The following POLG variants were observed in gnomAD, a reference collection of about 807,000 sequenced individuals.
POLG encodes DNA polymerase gamma, catalytic subunit.
In POLG, 110 loss-of-function variants were observed where a neutral mutation model predicts 155.4. That is an observed-to-expected ratio of 0.71 (90% confidence interval 0.61 to 0.83). The LOEUF (loss-of-function observed/expected upper bound fraction) is 0.83, where lower values mean the gene tolerates loss of function less well. Among genes scored for constraint, POLG ranks in the 40% least tolerant of loss-of-function variants. The pLI is 0.00. For missense variants in POLG, 1,685 were observed against 1,627.5 expected, an observed-to-expected ratio of 1.04 and a Z score of -0.61; for synonymous variants, 701 against 631.5, an observed-to-expected ratio of 1.11 and a Z score of -1.65.
At chr15:89,318,152 C>T (rs1023822502) in intron 21 of POLG, 2 of 198,736 alleles carry the variant, frequency 1.0e-5, no homozygotes, top group Admixed American at 5.4e-5. Flanking sequence ...ACTTTTGGCA[C>T]TTACTTAAGA....
At chr15:89,325,155 T>TGAGTGAGTGA (rs2055478910) in intron 10 of POLG, among the ~76,000 whole-genome samples, 3 of 43,936 alleles carry the variant, frequency 6.8e-5, no homozygotes, top group Non-Finnish European at 8.0e-5. Flanking sequence ...AGTGAGTGAG[T>TGAGTGAGTGA]GAGTGAGTGA....
chr15:89,332,706 C>A (rs2247233), intron 2 of POLG, among the ~76,000 whole-genome samples: 1 of 151,836 alleles, frequency 6.6e-6, no homozygotes. Flanking sequence ...AGCTTTCTAC[C>A]GCCCAAAATA....
chr15:89,323,961 AGCCCCTCCCT>A, intron 11 of POLG, 60 bp from the exon 12 acceptor site: 1 of 1,537,598 alleles, frequency 6.5e-7, no homozygotes, highest in East Asian at 2.2e-5. Flanking sequence ...CCAATCCACC[AGCCCCTCCCT>A]GCATGGTACT....
chr15:89,324,895 G>A (rs1260096924), intron 10 of POLG, among the ~76,000 whole-genome samples: 7 of 152,178 alleles, frequency 4.6e-5, no homozygotes, highest in Non-Finnish European at 1.0e-4. Flanking sequence ...CCCTCCGCAT[G>A]TTCCTGTGAA....
chr15:89,328,497 G>A lies in POLG; in HGVS notation c.1209C>T (p.Thr403=). 1 of 1,613,840 alleles carries A rather than the reference G, an allele frequency of 6.2e-7. No individual in the cohort carries two copies. The highest frequency in any genetic ancestry group is 8.5e-7 in the Non-Finnish European group (1 of 1,179,984). The part of the protein sequence containing the change: ...MQYCAQDVWA[T]HEVFQQQLPL... ...GTAGCTGCTGCTGGAAAACCTCATG[G>A]GTGGCCCACACGTCCTGGGCACAGT... Residue 403 remains threonine, a synonymous_variant, in exon 6 of 23, where the codon ACC becomes ACT. Transcript: ENST00000268124.
In POLG at chr15:89,333,462, G is replaced by A. The variant is rs1353865251; in HGVS notation, c.293C>T (p.Ala98Val). 1.2e-6 allele frequency: 2 copies of A among 1,611,286 alleles called. No individual in the cohort carries two copies. Among genetic ancestry groups the A allele is most frequent in the Non-Finnish European group, 1.7e-6 (2 of 1,179,692 alleles). ...FGQGGEMPGE[A>V]AVRRSVEHLQ... ...GTGCTCGACGCTGCGGCGCACCGCG[G>A]CCTCGCCAGGCATCTCCCCTCCTTG... The change falls in exon 2 of 23, where the codon GCC (alanine) becomes GTC (valine). Residue 98 changes from alanine (A) to valine (V), a missense_variant. Around this residue, in one of 3 missense-constraint regions of POLG, gnomAD observed 1,210 missense variants for 1,167.1 expected, o/e 1.04. Transcript: ENST00000268124.
chr15:89,317,301 T>G, intron 22 of POLG, 75 bp downstream of exon 22: 2 of 1,496,948 alleles, frequency 1.3e-6, no homozygotes, highest in Non-Finnish European at 1.9e-6. Flanking sequence ...GCCCCAAGTT[T>G]CCTGTTCTCC....
intron 10 of POLG, among the ~76,000 whole-genome samples, chr15:89,325,078 G>GAGAGAGAA (rs2055462863): frequency 1.0e-5 from 1 of 100,444 alleles, no homozygotes; most frequent in African/African-American, 5.0e-5. Context: ...GTGAGTGAGT[G>GAGAGAGAA]AGTGAGAGAG....
At chr15:89,327,121 C>G in intron 7 of POLG, 46 bp downstream of exon 7, 1 of 1,614,176 alleles carries the variant, frequency 6.2e-7, no homozygotes, top group Non-Finnish European at 8.5e-7. Flanking sequence ...AGGCCGCCCA[C>G]CTGCCAGTCC....
Position 89,333,416 on chromosome 15 carries a change from C to A in POLG, c.339G>T (p.Trp113Cys). 2 of 1,606,640 alleles carry A rather than the reference C, an allele frequency of 1.2e-6. No individual in the cohort carries two copies. The highest frequency in any genetic ancestry group is 8.5e-7 in the Non-Finnish European group (1 of 1,179,156). The change falls in exon 2 of 23, where the codon TGG (tryptophan) becomes TGT (cysteine). Residue 113 changes from tryptophan (W) to cysteine (C), a missense_variant. Around this residue, in one of 3 missense-constraint regions of POLG, gnomAD observed 1,210 missense variants for 1,167.1 expected, o/e 1.04. Coordinates refer to ENST00000268124, the MANE Select transcript of POLG (RefSeq NM_002693.3). ...SVEHLQKHGL[W>C]GQPAVPLPDV... ...CGGGCAAGGGCACGGCTGGCTGCCC[C>A]CAGAGCCCGTGCTTCTGCAGGTGCT...
At position 89,333,774 on chromosome 15, in the gene POLG, A is replaced by T. The variant is rs2055632891; in HGVS notation, c.-20T>A. Reference sequence around the variant, plus strand: ...GCTCATGGTTGGTGCAGGGACCCCCACGCTGGGAGTCAGAACACCTGGCTT... The same window carrying T: ...GCTCATGGTTGGTGCAGGGACCCCCTCGCTGGGAGTCAGAACACCTGGCTT... On this transcript the variant is annotated 5_prime_UTR_variant, in exon 2 of 23. Coordinates refer to ENST00000268124, the MANE Select transcript of POLG (RefSeq NM_002693.3). 1 of 1,534,938 alleles carries T rather than the reference A, an allele frequency of 6.5e-7. No homozygotes were observed. Among genetic ancestry groups the T allele is most frequent in the Non-Finnish European group, 8.7e-7 (1 of 1,146,336 alleles).
At chr15:89,316,889 G>A (rs2055286387) in intron 22 of POLG, 62 bp from the exon 23 acceptor site, 3 of 1,187,110 alleles carry the variant, frequency 2.5e-6, no homozygotes, top group Non-Finnish European at 3.8e-6. Context: ...GAGCTCAGAA[G>A]TGAGCAAAGG....
chr15:89,333,792 C>T lies in POLG; in HGVS notation c.-38G>A, dbSNP rs1432051421. The T allele has an allele frequency of 1.3e-6, 2 of 1,534,446 alleles. No individual in the cohort carries two copies. The highest frequency in any genetic ancestry group is 1.7e-6 in the Non-Finnish European group (2 of 1,146,084). ...GACCCCCACGCTGGGAGTCAGAACACCTGGCTTTGGGCTCCAGCTTGGCTT... is the reference window on the plus strand; with the variant it reads ...GACCCCCACGCTGGGAGTCAGAACATCTGGCTTTGGGCTCCAGCTTGGCTT... On this transcript the variant is annotated 5_prime_UTR_variant, in exon 2 of 23. It adds an upstream start codon to the 5' untranslated region. Transcript: ENST00000268124.
Position 89,325,127 on chromosome 15 carries a change from TGA to T in POLG, c.1949+321_1949+322del, listed in dbSNP as rs369647518. 1.7e-3 allele frequency among the ~76,000 whole-genome samples: 64 copies of T among 38,226 alleles called. 10 individuals are homozygous for T. The highest frequency in any genetic ancestry group is 2.7e-3 in the South Asian group (3 of 1,120). The allele number at this position is 38,226 out of a possible 152,430, so 25.1% of individuals were successfully genotyped here. On this transcript the variant is annotated intron_variant, in intron 10 of 22. Coordinates refer to ENST00000268124, the MANE Select transcript of POLG (RefSeq NM_002693.3). ...GAGTGAGAGAGAGTGAGTGAGTGAG[TGA>T]GAGAGTGAGTGAGAGAGTGAGTGAG... is the stretch of plus-strand genomic sequence containing the variant.
chr15:89,321,058 C>G (rs532235024), intron 17 of POLG, 46 bp from the exon 18 acceptor site: 2 of 1,610,996 alleles, frequency 1.2e-6, no homozygotes, highest in South Asian at 2.2e-5. Flanking sequence ...GAACATTCTG[C>G]CCAATGTTCA....
At position 89,322,032 on chromosome 15, in the gene POLG, C is replaced by T. The variant is rs775367938; in HGVS notation, c.2427-17G>A. 36 of 1,613,454 alleles carry T rather than the reference C, an allele frequency of 2.2e-5. No individual in the cohort carries two copies. Among genetic ancestry groups the T allele is most frequent in the Non-Finnish European group, 3.0e-5 (35 of 1,179,468 alleles). ...ATCTGGGAGCTGTGGGGACAGACAA[C>T]GTGAGGCTCAGCACAGCCATGGGAA... is the stretch of plus-strand genomic sequence containing the variant. On this transcript the variant is annotated splice_polypyrimidine_tract_variant and intron_variant, in intron 14 of 22. Transcript: ENST00000268124.
chr15:89,320,134 A>T (rs1343097116), intron 18 of POLG, among the ~76,000 whole-genome samples: 3 of 152,202 alleles, frequency 2.0e-5, no homozygotes, highest in African/African-American at 7.2e-5. Flanking sequence ...TCACATACTT[A>T]ACTTTTAGTT....
intron 16 of POLG, 57 bp from the exon 17 acceptor site, chr15:89,321,317 G>C: frequency 1.3e-6 from 2 of 1,593,168 alleles, no homozygotes; most frequent in African/African-American, 1.3e-5. Flanking sequence ...CCTGGAGCCA[G>C]AGTTGACTGA....
At chr15:89,323,041 A>G (rs1567187933) in intron 13 of POLG, 139 bp from the exon 14 acceptor site, 1 of 670,344 alleles carries the variant, frequency 1.5e-6, no homozygotes, top group Non-Finnish European at 2.4e-6. Flanking sequence ...TGTATCACGC[A>G]CGCGCGCACG....
Sources: allele counts gnomAD v4.1 joint callset (sites outside exome capture counted in the v4.1 genomes callset), GRCh38; gene constraint gnomAD v4.1.1; regional missense constraint gnomAD v4.1.1; transcripts MANE v1.5; gene names NCBI Gene and HGNC (gene_info 2026-07-23, HGNC 2026-07-21).